FHIT: variants seen among roughly 807,000 people sequenced by gnomAD.
FHIT encodes bis(5'-adenosyl)-triphosphatase.
Under a neutral mutation model 17.9 loss-of-function variants are expected in FHIT, and 19 were observed. The ratio of observed to expected loss-of-function variants is 1.06; its 90% CI spans 0.74 to 1.56. The LOEUF (loss-of-function observed/expected upper bound fraction) is 1.56. FHIT is among the 40% of genes most tolerant of loss of function. FHIT has a pLI of 0.00. For synonymous variants in FHIT, 81 were observed against 69.7 expected, an observed-to-expected ratio of 1.16 and a Z score of -0.81; for missense variants, 248 against 189.2, an observed-to-expected ratio of 1.31 and a Z score of -1.82.
chr3:60,692,666 C>T (rs2041020124), intron 4 of FHIT, among the ~76,000 whole-genome samples: 1 of 152,090 alleles, frequency 6.6e-6, no homozygotes, highest in African/African-American at 2.4e-5. Context: ...CACTAATATC[C>T]ATCTATTTCA....
intron 5 of FHIT, among the ~76,000 whole-genome samples, chr3:60,042,635 C>T (rs1254871356): frequency 6.6e-6 from 1 of 152,048 alleles, no homozygotes; most frequent in African/African-American, 2.4e-5. Flanking sequence ...TAGGGCCCAC[C>T]CCAGTGACCT....
intron 9 of FHIT, chr3:59,751,244 C>G (rs1321008076): frequency 5.6e-6 from 1 of 178,622 alleles, no homozygotes; most frequent in East Asian, 9.4e-5. Flanking sequence ...CTCTCTCTCT[C>G]TCTCCTGTTT....
At chr3:60,529,977 C>G (rs1267709615) in intron 5 of FHIT, among the ~76,000 whole-genome samples, 1 of 152,052 alleles carries the variant, frequency 6.6e-6, no homozygotes, top group Admixed American at 6.5e-5. Context: ...GACTCTACAG[C>G]CTTTATGCAA....
At chr3:60,952,906 G>A (rs1465288452) in intron 3 of FHIT, among the ~76,000 whole-genome samples, 1 of 152,070 alleles carries the variant, frequency 6.6e-6, no homozygotes, top group Non-Finnish European at 1.5e-5. Flanking sequence ...CCACTTCTTT[G>A]AGTCTTCATT....
At chr3:60,193,895 G>A (rs73831994) in intron 5 of FHIT, among the ~76,000 whole-genome samples, 2 of 152,142 alleles carry the variant, frequency 1.3e-5, no homozygotes, top group Admixed American at 6.5e-5. Context: ...TGATATGGGT[G>A]TTAAAAAATG....
rs1294770830 is a variant in FHIT, at chr3:60,173,925, T to A, written c.104-159773A>T. On this transcript the variant is annotated intron_variant, in intron 5 of 9. Coordinates refer to ENST00000492590, the MANE Select transcript of FHIT (RefSeq NM_002012.4). ...TATATATATATATATATGTTTTTTT[T>A]TTTTTTTGAGATCGAGTCTCACTCT... Among the ~76,000 whole-genome samples the A allele has an allele frequency of 1.2e-3, 81 of 69,302 alleles. 1 individual carries two copies. Among genetic ancestry groups the A allele is most frequent in the Non-Finnish European group, 1.4e-3 (53 of 37,484 alleles). The allele number at this position is 69,302 out of a possible 152,430, so 45.5% of individuals were successfully genotyped here.
chr3:60,527,008 G>T (rs1188652230), intron 5 of FHIT, among the ~76,000 whole-genome samples: 1 of 152,212 alleles, frequency 6.6e-6, no homozygotes, highest in African/African-American at 2.4e-5. Context: ...TTTCAGTGAG[G>T]TAGGAATGGT....
At chr3:60,039,644 A>G (rs1425310603) in intron 5 of FHIT, among the ~76,000 whole-genome samples, 1 of 152,226 alleles carries the variant, frequency 6.6e-6, no homozygotes, top group Non-Finnish European at 1.5e-5. Flanking sequence ...ATACTGTTAT[A>G]ATAGAAATAA....
intron 5 of FHIT, among the ~76,000 whole-genome samples, chr3:60,278,300 G>T (rs1469313663): frequency 2.0e-5 from 3 of 152,162 alleles, no homozygotes; most frequent in Admixed American, 1.3e-4. Context: ...TTCTCTGTAA[G>T]AAAGACACGT....
intron 8 of FHIT, among the ~76,000 whole-genome samples, chr3:59,907,750 A>G (rs959261328): frequency 3.3e-5 from 5 of 152,236 alleles, no homozygotes; most frequent in African/African-American, 1.2e-4. Context: ...TTAAAACAAC[A>G]CAAATGTATT....
At chr3:61,246,047 G>A (rs2040479917) in intron 1 of FHIT, among the ~76,000 whole-genome samples, 1 of 152,128 alleles carries the variant, frequency 6.6e-6, no homozygotes, top group East Asian at 1.9e-4. Context: ...GGCCACAAGA[G>A]TGACCTCTGG....
intron 3 of FHIT, among the ~76,000 whole-genome samples, chr3:61,029,577 G>C (rs368065648): frequency 3.3e-5 from 5 of 152,144 alleles, no homozygotes; most frequent in African/African-American, 1.2e-4. Context: ...AGTCAGGCAG[G>C]CATATTAGGC....
chr3:60,412,549 G>C (rs556494615), intron 5 of FHIT, among the ~76,000 whole-genome samples: 1 of 152,052 alleles, frequency 6.6e-6, no homozygotes. Context: ...AGTCAAGTGA[G>C]AGTGCCATTT....
intron 8 of FHIT, among the ~76,000 whole-genome samples, chr3:59,828,540 T>C (rs1252727680): frequency 6.6e-6 from 1 of 152,216 alleles, no homozygotes; most frequent in Non-Finnish European, 1.5e-5. Context: ...GTTTGCTTCT[T>C]CTTAAAGAGA....
intron 4 of FHIT, among the ~76,000 whole-genome samples, chr3:60,586,787 A>C (rs2037921515): frequency 6.6e-6 from 1 of 152,044 alleles, no homozygotes; most frequent in African/African-American, 2.4e-5. Flanking sequence ...CTAGGTGCTA[A>C]ATGATGAAAA....
chr3:59,917,331 T>C (rs1705180537), intron 8 of FHIT, among the ~76,000 whole-genome samples: 1 of 152,228 alleles, frequency 6.6e-6, no homozygotes, highest in Admixed American at 6.5e-5. Context: ...GTCACAACCA[T>C]TCAATGTCAC....
chr3:59,945,874 T>C (rs888831770), intron 7 of FHIT, among the ~76,000 whole-genome samples: 12 of 152,194 alleles, frequency 7.9e-5, no homozygotes, highest in Non-Finnish European at 1.6e-4. Flanking sequence ...TCTATTCTGT[T>C]CCATTGGTCT....
intron 5 of FHIT, among the ~76,000 whole-genome samples, chr3:60,348,361 A>T (rs1160935791): frequency 6.6e-6 from 1 of 151,666 alleles, no homozygotes; most frequent in Non-Finnish European, 1.5e-5. Context: ...ATAATGTTGA[A>T]ATCTTTTCAC....
chr3:60,879,611 C>T (rs1231523147), intron 3 of FHIT, among the ~76,000 whole-genome samples: 1 of 151,950 alleles, frequency 6.6e-6, no homozygotes, highest in Non-Finnish European at 1.5e-5. Context: ...GGAATACAAA[C>T]TAGTACTCTT....
Sources: allele counts gnomAD v4.1 joint callset (sites outside exome capture counted in the v4.1 genomes callset), GRCh38; gene constraint gnomAD v4.1.1; transcripts MANE v1.5; gene names NCBI Gene and HGNC (gene_info 2026-07-23, HGNC 2026-07-21).